Variants in EIF4E observed in about 807,000 individuals in gnomAD.
EIF4E encodes eIF-4F 25 kDa subunit.
For synonymous variants in EIF4E, 71 were observed against 88.5 expected, an observed-to-expected ratio of 0.80 and a Z score of 1.11; for missense variants, 113 against 265.6, an observed-to-expected ratio of 0.43 and a Z score of 3.99.
intron 1 of EIF4E, chr4:98,928,825 C>G (rs781471813): frequency 6.6e-7 from 1 of 1,521,862 alleles, no homozygotes; most frequent in African/African-American, 1.4e-5. Context: ...CCTGTAGACA[C>G]CTCGCGGTTC....
chr4:98,888,824 G>C (rs1412943670), intron 3 of EIF4E, among the ~76,000 whole-genome samples: 1 of 152,050 alleles, frequency 6.6e-6, no homozygotes, highest in Non-Finnish European at 1.5e-5. Context: ...CCTTAGTCTG[G>C]TTCTCCTGGT....
intron 1 of EIF4E, among the ~76,000 whole-genome samples, chr4:98,921,371 G>A (rs1384645206): frequency 2.0e-5 from 3 of 150,438 alleles, no homozygotes; most frequent in African/African-American, 7.5e-5. Context: ...ATCAAAATTA[G>A]TTACAATATT....
intron 2 of EIF4E, among the ~76,000 whole-genome samples, chr4:98,892,864 G>A (rs1323687669): frequency 6.6e-6 from 1 of 152,108 alleles, no homozygotes; most frequent in Non-Finnish European, 1.5e-5. Flanking sequence ...GATATGTTCT[G>A]AAATAATGTA....
chr4:98,923,759 C>T (rs1041989045), intron 1 of EIF4E, among the ~76,000 whole-genome samples: 2 of 152,126 alleles, frequency 1.3e-5, no homozygotes, highest in African/African-American at 4.8e-5. Context: ...AATTAAAAAG[C>T]AGCAATGTGA....
intron 1 of EIF4E, among the ~76,000 whole-genome samples, chr4:98,917,141 A>C (rs915218273): frequency 7.0e-6 from 1 of 143,690 alleles, no homozygotes; most frequent in South Asian, 2.2e-4. Flanking sequence ...CACAAAAAAA[A>C]CCCAAATGCT....
intron 1 of EIF4E, among the ~76,000 whole-genome samples, chr4:98,904,378 C>T (rs1339976188): frequency 6.6e-6 from 1 of 152,166 alleles, no homozygotes; most frequent in African/African-American, 2.4e-5. Context: ...AGTTATCACT[C>T]AGGAAAAACA....
intron 1 of EIF4E, among the ~76,000 whole-genome samples, chr4:98,913,889 T>G (rs1440746131): frequency 3.3e-5 from 5 of 152,064 alleles, no homozygotes; most frequent in Non-Finnish European, 7.4e-5. Context: ...TTCTTTAACC[T>G]AGTAATTAGA....
intron 1 of EIF4E, among the ~76,000 whole-genome samples, chr4:98,917,281 T>TC (rs1173015656): frequency 6.6e-6 from 1 of 151,908 alleles, no homozygotes; most frequent in Non-Finnish European, 1.5e-5. Flanking sequence ...TCAGCTTTAA[T>TC]CCAATCTTAA....
chr4:98,879,636 CAT>C lies in EIF4E; in HGVS notation c.*1390_*1391del, dbSNP rs1276532445. On this transcript the variant is annotated 3_prime_UTR_variant, in exon 7 of 7. Coordinates refer to ENST00000450253, the MANE Select transcript of EIF4E (RefSeq NM_001968.5). ...TGCAACACTAACAAGATTCTTAATG[CAT>C]ATGTCCCCACCACCTGTACTTTCCC... 1 of 150,938 alleles carries C rather than the reference CAT, an allele frequency of 6.6e-6. No homozygotes were observed. The highest frequency in any genetic ancestry group is 2.4e-5 in the African/African-American group (1 of 41,064). The allele number at this position is 150,938 out of a possible 1,614,324, so 9.3% of individuals were successfully genotyped here. A position where few individuals can be genotyped will look rare whatever the true frequency, so the allele number is the denominator to read the frequency against.
At chr4:98,914,261 C>T (rs1239690604) in intron 1 of EIF4E, among the ~76,000 whole-genome samples, 1 of 140,202 alleles carries the variant, frequency 7.1e-6, no homozygotes, top group African/African-American at 2.7e-5. Flanking sequence ...GAGGCTGAGG[C>T]AGGAGAATCA....
At chr4:98,928,614 G>C (rs976879548) in intron 1 of EIF4E, among the ~76,000 whole-genome samples, 9 of 152,046 alleles carry the variant, frequency 5.9e-5, no homozygotes, top group Admixed American at 5.9e-4. Context: ...ACGTGCGCGC[G>C]CCCCGCACCC....
intron 2 of EIF4E, among the ~76,000 whole-genome samples, chr4:98,901,509 C>T (rs951296247): frequency 8.6e-5 from 13 of 151,888 alleles, no homozygotes; most frequent in African/African-American, 2.9e-4. Context: ...CCGCGTTGGG[C>T]GACCACCACT....
chr4:98,927,601 G>A (rs1725931967), intron 1 of EIF4E, among the ~76,000 whole-genome samples: 1 of 135,370 alleles, frequency 7.4e-6, no homozygotes, highest in Non-Finnish European at 1.5e-5. Flanking sequence ...GTTGCAGTGA[G>A]CCGAGATCAC....
chr4:98,920,824 A>T (rs1725614698), intron 1 of EIF4E, among the ~76,000 whole-genome samples: 1 of 152,152 alleles, frequency 6.6e-6, no homozygotes, highest in Admixed American at 6.6e-5. Flanking sequence ...TCCATAAACC[A>T]TCTGGCATAT....
intron 3 of EIF4E, among the ~76,000 whole-genome samples, chr4:98,889,036 G>A (rs1046852096): frequency 2.6e-5 from 4 of 152,000 alleles, no homozygotes; most frequent in South Asian, 2.1e-4. Flanking sequence ...GCATGCGCCT[G>A]TAATCCCAGC....
Position 98,884,912 on chromosome 4 carries a change from C to A in EIF4E, c.539+10G>T, listed in dbSNP as rs777335682. Reference sequence around the variant, plus strand: ...TACTGTAAAATAAGTAGGCAAAGAGCAAAACTTACCCTATATGTGTAACAG... The same window carrying A: ...TACTGTAAAATAAGTAGGCAAAGAGAAAAACTTACCCTATATGTGTAACAG... On this transcript the variant is annotated intron_variant, in intron 6 of 6. Coordinates refer to ENST00000450253, the MANE Select transcript of EIF4E (RefSeq NM_001968.5). The A allele has an allele frequency of 6.2e-7, 1 of 1,611,860 alleles. No homozygotes were observed. Among genetic ancestry groups the A allele is most frequent in the Non-Finnish European group, 8.5e-7 (1 of 1,179,646 alleles).
intron 2 of EIF4E, among the ~76,000 whole-genome samples, chr4:98,899,776 A>G (rs1724571518): frequency 6.6e-6 from 1 of 152,200 alleles, no homozygotes; most frequent in Admixed American, 6.5e-5. Flanking sequence ...AAAAGTATAC[A>G]TATGTGCATT....
intron 3 of EIF4E, 80 bp from the exon 4 acceptor site, chr4:98,888,032 A>G: frequency 8.5e-7 from 1 of 1,176,556 alleles, no homozygotes; most frequent in Non-Finnish European, 1.2e-6. Context: ...TACATTTAGA[A>G]CATATGATGA....
At chr4:98,917,786 T>C (rs1725447377) in intron 1 of EIF4E, among the ~76,000 whole-genome samples, 1 of 152,142 alleles carries the variant, frequency 6.6e-6, no homozygotes. Flanking sequence ...TTTACTACTC[T>C]AAAACCTGGC....
Sources: allele counts gnomAD v4.1 joint callset (sites outside exome capture counted in the v4.1 genomes callset), GRCh38; gene constraint gnomAD v4.1.1; transcripts MANE v1.5; gene names NCBI Gene and HGNC (gene_info 2026-07-23, HGNC 2026-07-21).